Variants in RAB11B observed in about 807,000 individuals in gnomAD.
The protein encoded by RAB11B is RAB11B, member RAS oncogene family.
A neutral mutation model predicts 23.7 loss-of-function variants in RAB11B; 7 were observed. That is an observed-to-expected ratio of 0.29 (90% CI 0.17 to 0.55). RAB11B has a LOEUF of 0.55. Ranked by LOEUF, RAB11B falls within the 20% of genes least tolerant of loss-of-function variation. RAB11B has a pLI of 0.93. For synonymous variants in RAB11B, 138 were observed against 132.0 expected, an observed-to-expected ratio of 1.05 and a Z score of -0.31; for missense variants, 189 against 320.0, an observed-to-expected ratio of 0.59 and a Z score of 3.12.
At chr19:8,398,331 C>A (rs969820808) in intron 1 of RAB11B, among the ~76,000 whole-genome samples, 1 of 152,220 alleles carries the variant, frequency 6.6e-6, no homozygotes, top group Non-Finnish European at 1.5e-5. Flanking sequence ...GTCCACGCTG[C>A]GCTGACTCCT....
intron 1 of RAB11B, among the ~76,000 whole-genome samples, chr19:8,391,250 C>T (rs1971350241): frequency 6.6e-6 from 1 of 152,218 alleles, no homozygotes; most frequent in African/African-American, 2.4e-5. Context: ...GACAAAGACA[C>T]AGTTTATAAG....
chr19:8,397,036 T>C (rs1971402827), intron 1 of RAB11B, among the ~76,000 whole-genome samples: 1 of 152,224 alleles, frequency 6.6e-6, no homozygotes, highest in African/African-American at 2.4e-5. Context: ...GGATTGATTC[T>C]GAGATGCGAG....
In RAB11B at chr19:8,403,402, C is replaced by A; in HGVS notation, c.512-11C>A. Reference sequence around the variant, plus strand: ...TGGCTCACCCCACGTCCCCCTGTACCCCCTTTGCAGAGATCTACCGCATCG... The same window carrying A: ...TGGCTCACCCCACGTCCCCCTGTACACCCTTTGCAGAGATCTACCGCATCG... On this transcript the variant is annotated splice_polypyrimidine_tract_variant and intron_variant, in intron 4 of 4. Transcript: ENST00000328024. 1.2e-5 allele frequency: 19 copies of A among 1,607,054 alleles called. No homozygotes were observed. Among genetic ancestry groups the A allele is most frequent in the Non-Finnish European group, 1.6e-5 (19 of 1,174,986 alleles).
chr19:8,400,774 TG>T (rs889672622), intron 2 of RAB11B, among the ~76,000 whole-genome samples: 28 of 152,068 alleles, frequency 1.8e-4, no homozygotes, highest in Middle Eastern at 3.4e-3. Flanking sequence ...TTAGTAGAGA[TG>T]GGGTTTCTCC....
chr19:8,395,018 G>A (rs1409637842), intron 1 of RAB11B, among the ~76,000 whole-genome samples: 3 of 152,252 alleles, frequency 2.0e-5, no homozygotes, highest in Admixed American at 6.5e-5. Context: ...TGAAGGTGTC[G>A]GGAATGCCTG....
chr19:8,400,105 G>A (rs1312050522), intron 2 of RAB11B, 47 bp downstream of exon 2: 1 of 1,589,888 alleles, frequency 6.3e-7, no homozygotes, highest in South Asian at 1.1e-5. Flanking sequence ...CGGGGGCGTG[G>A]GCTTGCAGCG....
At chr19:8,400,585 CTCT>C (rs1971429552) in intron 2 of RAB11B, among the ~76,000 whole-genome samples, 5 of 73,310 alleles carry the variant, frequency 6.8e-5, no homozygotes, top group African/African-American at 1.8e-4. Flanking sequence ...CTGTCACCTC[CTCT>C]TGTTTTTTTT....
At chr19:8,394,607 G>A (rs1971382385) in intron 1 of RAB11B, among the ~76,000 whole-genome samples, 1 of 152,216 alleles carries the variant, frequency 6.6e-6, no homozygotes, top group African/African-American at 2.4e-5. Context: ...CAAAGCACTG[G>A]GGACCCAGCC....
Position 8,402,534 on chromosome 19 carries a change from C to A in RAB11B, c.480C>A (p.Asn160Lys), listed in dbSNP as rs770759610. 6.2e-7 allele frequency: 1 copy of A among 1,613,896 alleles called. No individual in the cohort carries two copies. Among genetic ancestry groups the A allele is most frequent in the Admixed American group, 1.7e-5 (1 of 60,028 alleles). The change falls in exon 4 of 5, where the codon AAC (asparagine) becomes AAA (lysine). Residue 160 changes from asparagine to lysine, a missense_variant. Coordinates refer to ENST00000328024, the MANE Select transcript of RAB11B (RefSeq NM_004218.4). Reference sequence around the variant, plus strand: ...AGACCTCAGCCTTGGATTCCACTAACGTAGAGGAAGCATTCAAGAACATCC... The same window carrying A: ...AGACCTCAGCCTTGGATTCCACTAAAGTAGAGGAAGCATTCAAGAACATCC... ...FIETSALDST[N>K]VEEAFKNILT...
intron 1 of RAB11B, chr19:8,390,761 G>A (rs1599683314): frequency 9.3e-6 from 3 of 323,532 alleles, no homozygotes; most frequent in African/African-American, 4.3e-5. Context: ...CCTCCGCAGG[G>A]GGTGGAGCTT....
rs1971458160 is a variant in RAB11B at position 8,403,851 on chromosome 19, G to A, written c.*293G>A. 1 of 362,846 alleles carries A rather than the reference G, an allele frequency of 2.8e-6. No homozygotes were observed. The allele number at this position is 362,846 out of a possible 1,614,324, so 22.5% of individuals were successfully genotyped here. ...GGCTGGCCAGAGGCGAGGAGGACGG[G>A]CGGACGGCGCCGCCTTCTCCCCTTT... On this transcript the variant is annotated 3_prime_UTR_variant, in exon 5 of 5. Transcript: ENST00000328024.
At chr19:8,403,237 CTG>C (rs912937081) in intron 4 of RAB11B, among the ~76,000 whole-genome samples, 174 bp from the exon 5 acceptor site, 67 of 152,192 alleles carry the variant, frequency 4.4e-4, no homozygotes, top group African/African-American at 1.5e-3. Flanking sequence ...CCGGGGCTGG[CTG>C]TGACCAGATG....
In RAB11B at chr19:8,400,042, C is replaced by T. The variant is rs1288425927; in HGVS notation, c.220C>T (p.Arg74Cys). 2 of 1,613,364 alleles carry T rather than the reference C, an allele frequency of 1.2e-6. No individual in the cohort carries two copies. The highest frequency in any genetic ancestry group is 1.7e-6 in the Non-Finnish European group (2 of 1,179,398). The part of the protein sequence containing the change: ...IWDTAGQERY[R>C]AITSAYYRGA... ...GGACACCGCTGGCCAGGAGCGCTAC[C>T]GCGCCATCACCTCCGCGTGCGTGTC... Residue 74 changes from arginine (R) to cysteine (C), a missense_variant, in exon 2 of 5, where the codon CGC becomes TGC. Around this residue, in one of 5 missense-constraint regions of RAB11B, gnomAD observed 17 missense variants for 63.0 expected, o/e 0.27. Coordinates refer to ENST00000328024, the MANE Select transcript of RAB11B (RefSeq NM_004218.4).
chr19:8,393,668 CAA>C (rs1251776372), intron 1 of RAB11B, among the ~76,000 whole-genome samples: 2 of 152,246 alleles, frequency 1.3e-5, no homozygotes, highest in Non-Finnish European at 2.9e-5. Flanking sequence ...AGAGCTGAGA[CAA>C]GAGTGGCCCC....
Position 8,403,483 on chromosome 19 carries a change from C to G in RAB11B, c.582C>G (p.Asn194Lys). 6.2e-7 allele frequency: 1 copy of G among 1,613,898 alleles called. No individual in the cohort carries two copies. The highest frequency in any genetic ancestry group is 2.2e-5 in the East Asian group (1 of 44,878). The change falls in exon 5 of 5, where the codon AAC becomes AAG. Residue 194 changes from asparagine (N) to lysine (K), a missense_variant. By Grantham distance (94) the Asn-to-Lys change is moderately conservative. Around this residue, in one of 5 missense-constraint regions of RAB11B, gnomAD observed 122 missense variants for 170.8 expected, o/e 0.71. Transcript: ENST00000328024. ...CCCACGACGAGTCCCCGGGGAACAA[C>G]GTGGTGGACATCAGCGTGCCGCCCA... ...RAAHDESPGN[N>K]VVDISVPPTT...
intron 2 of RAB11B, among the ~76,000 whole-genome samples, chr19:8,400,538 C>T (rs886764343): frequency 1.8e-4 from 27 of 152,190 alleles, no homozygotes; most frequent in African/African-American, 6.5e-4. Flanking sequence ...TCTGGGCTCC[C>T]TCCCATCTCC....
Position 8,401,627 on chromosome 19 carries a change from C to T in RAB11B, c.237-459C>T, listed in dbSNP as rs563662433. Among the ~76,000 whole-genome samples the T allele has an allele frequency of 1.3e-4, 20 of 151,332 alleles. No individual in the cohort carries two copies. In the East Asian group the frequency reaches 3.9e-3, roughly 30 times the overall value. On this transcript the variant is annotated intron_variant, in intron 2 of 4. Coordinates refer to ENST00000328024, the MANE Select transcript of RAB11B (RefSeq NM_004218.4). ...ATCTTGAATTCCTGACCTCGTGATC[C>T]ACCTGCCTCGGCTTCCCAAAGTGCT...
chr19:8,390,505 G>T, intron 1 of RAB11B, 49 bp downstream of exon 1: 1 of 1,468,240 alleles, frequency 6.8e-7, no homozygotes, highest in Admixed American at 2.7e-5. Context: ...GCGAGGCGGC[G>T]GGCAGACGGG....
intron 1 of RAB11B, among the ~76,000 whole-genome samples, chr19:8,392,674 CTTTT>C (rs1345979888): frequency 1.6e-5 from 2 of 123,310 alleles, no homozygotes; most frequent in Non-Finnish European, 3.4e-5. Flanking sequence ...TTTTCTTTTC[CTTTT>C]TCTTTTCTTT....
Sources: allele counts gnomAD v4.1 joint callset (sites outside exome capture counted in the v4.1 genomes callset), GRCh38; gene constraint gnomAD v4.1.1; regional missense constraint gnomAD v4.1.1; transcripts MANE v1.5; gene names NCBI Gene and HGNC (gene_info 2026-07-23, HGNC 2026-07-21).